MEGF8: variants seen among roughly 807,000 people sequenced by gnomAD.
The protein encoded by MEGF8 is multiple epidermal growth factor-like domains protein 8.
In MEGF8, 156 loss-of-function variants were observed where a neutral mutation model predicts 302.9. The observed-to-expected ratio is 0.52, with a 90% CI of 0.45 to 0.59. The LOEUF (loss-of-function observed/expected upper bound fraction) is 0.59, where lower values mean the gene tolerates loss of function less well. MEGF8 is among the 20% of genes least tolerant of loss of function. MEGF8 has a pLI of 0.00. For synonymous variants in MEGF8, 1,621 were observed against 1,660.5 expected (o/e 0.98, Z 0.58); for missense variants, 3,345 against 3,964.5 (o/e 0.84, Z 4.20).
intron 1 of MEGF8, among the ~76,000 whole-genome samples, chr19:42,329,717 T>A (rs1568553994): frequency 6.6e-6 from 1 of 151,850 alleles, no homozygotes. Flanking sequence ...TACAAAAGAT[T>A]AGCTGGGCTT....
rs2038978819 is a variant in MEGF8 at position 42,325,999 on chromosome 19, C to G, written c.-245C>G. ...CTCCTACGGTCCCTAGGGTTCGGCCCCGTCCATAATGACTCCATATACAGG... is the reference window on the plus strand; with the variant it reads ...CTCCTACGGTCCCTAGGGTTCGGCCGCGTCCATAATGACTCCATATACAGG... On this transcript the variant is annotated 5_prime_UTR_variant, in exon 1 of 42. Coordinates refer to ENST00000251268, the MANE Select transcript of MEGF8 (RefSeq NM_001271938.2). 1 of 507,276 alleles carries G rather than the reference C, an allele frequency of 2.0e-6. No homozygotes were observed. Among genetic ancestry groups the G allele is most frequent in the Non-Finnish European group, 3.2e-6 (1 of 313,836 alleles). 31.4% of individuals were successfully genotyped at this position (507,276 alleles called of 1,614,324 possible). A position where few individuals can be genotyped will look rare whatever the true frequency, so the allele number is the denominator to read the frequency against.
chr19:42,356,062 G>C lies in MEGF8; in HGVS notation c.4393-21G>C, dbSNP rs1015704183. 7 of 1,591,998 alleles carry C rather than the reference G, an allele frequency of 4.4e-6. No individual in the cohort carries two copies. In the African/African-American group the frequency reaches 8.0e-5, roughly 18 times the overall value. ...CAGGGCTGGTGATCAGGGCTCCCCT[G>C]AGTCCCTTGTCATCCCCCAGAGCCT... On this transcript the variant is annotated intron_variant, in intron 24 of 41. Coordinates refer to ENST00000251268, the MANE Select transcript of MEGF8 (RefSeq NM_001271938.2). This position sits in a 1 kb window ranked among gnomAD's most constrained non-coding sequence, Gnocchi z 5.2.
At chr19:42,373,100 CT>C (rs371697506) in intron 41 of MEGF8, among the ~76,000 whole-genome samples, 75 of 145,144 alleles carry the variant, frequency 5.2e-4, no homozygotes, top group Non-Finnish European at 3.3e-4. Context: ...TTCTTGGTTC[CT>C]TTTTTTTTTT....
In MEGF8 at chr19:42,369,558, C is replaced by T. The variant is rs199937913; in HGVS notation, c.6669C>T (p.Cys2223=). The T allele has an allele frequency of 3.4e-5, 55 of 1,610,334 alleles. No individual in the cohort carries two copies. The highest frequency in any genetic ancestry group is 2.9e-4 in the East Asian group (13 of 44,874). The change falls in exon 38 of 42, where the codon TGC becomes TGT. Residue 2223 remains cysteine (C), a synonymous_variant. Transcript: ENST00000251268. This position sits in a 1 kb window ranked among gnomAD's most constrained non-coding sequence, Gnocchi z 5.7. ...TGACAGGGCTGTGCCGCCCTGTGTGCGCCCAGGGCTGCGTGAACGGCTCAT... is the reference window on the plus strand; with the variant it reads ...TGACAGGGCTGTGCCGCCCTGTGTGTGCCCAGGGCTGCGTGAACGGCTCAT... The part of the protein sequence containing the change: ...DNMTGLCRPV[C]AQGCVNGSCV...
At chr19:42,373,181 C>A (rs1321093128) in intron 41 of MEGF8, among the ~76,000 whole-genome samples, 1 of 151,982 alleles carries the variant, frequency 6.6e-6, no homozygotes, top group Non-Finnish European at 1.5e-5. Context: ...CAACCTCCGC[C>A]TCCCAGGTTC....
At position 42,335,354 on chromosome 19, in the gene MEGF8, C is replaced by A; in HGVS notation, c.797C>A (p.Thr266Asn). The change falls in exon 5 of 42, where the codon ACC becomes AAC. Residue 266 changes from threonine (T) to asparagine (N), a missense_variant. Physicochemically the swap from Thr to Asn is moderately conservative, Grantham distance 65. Transcript: ENST00000251268. ...DLVLYNFSANTWESWDLSPAP... is the reference protein window; with the variant it reads ...DLVLYNFSANNWESWDLSPAP... ...GTCCTATACAACTTCTCCGCCAACA[C>A]CTGGGAGTCTTGGGACCTGAGTCCT... 1 of 1,614,030 alleles carries A rather than the reference C, an allele frequency of 6.2e-7. No homozygotes were observed. The highest frequency in any genetic ancestry group is 8.5e-7 in the Non-Finnish European group (1 of 1,179,890).
chr19:42,348,239 GA>G (rs2039317943), intron 12 of MEGF8, 32 bp from the exon 13 acceptor site: 1 of 1,511,142 alleles, frequency 6.6e-7, no homozygotes, highest in African/African-American at 1.4e-5. Context: ...TCCAGAAAGG[GA>G]CTCACACATA....
chr19:42,361,070 G>T (rs1260027780), intron 32 of MEGF8, 64 bp downstream of exon 32: 3 of 1,472,278 alleles, frequency 2.0e-6, no homozygotes, highest in African/African-American at 2.8e-5. Flanking sequence ...CCTGTGCTAG[G>T]CCACACCAGG....
chr19:42,372,074 A>AAC (rs1555784682), intron 41 of MEGF8, among the ~76,000 whole-genome samples: 31 of 79,326 alleles, frequency 3.9e-4, no homozygotes, highest in Non-Finnish European at 5.9e-4. Context: ...AACAACAACA[A>AAC]ACACACACAC....
intron 13 of MEGF8, 68 bp downstream of exon 13, chr19:42,348,540 C>T (rs2039322961): frequency 1.5e-6 from 2 of 1,374,576 alleles, no homozygotes; most frequent in Non-Finnish European, 1.9e-6. Context: ...TGGTATAGAG[C>T]ATCTGTGGTG....
Position 42,356,738 on chromosome 19 carries a change from C to T in MEGF8, c.4623-36C>T. 2 of 1,521,550 alleles carry T rather than the reference C, an allele frequency of 1.3e-6. No homozygotes were observed. The highest frequency in any genetic ancestry group is 1.8e-6 in the Non-Finnish European group (2 of 1,129,610). 94.3% of individuals were successfully genotyped at this position (1,521,550 alleles called of 1,614,324 possible). On this transcript the variant is annotated intron_variant, in intron 26 of 41. Transcript: ENST00000251268. This position sits in a 1 kb window ranked among gnomAD's most constrained non-coding sequence, Gnocchi z 5.2. ...GTCACCTTGAAGGATGCTGGGATGA[C>T]TGTAATGAGGCTGCTTTTTTGCACC...
At chr19:42,332,387 G>A (rs1297172312) in intron 1 of MEGF8, among the ~76,000 whole-genome samples, 6 of 151,078 alleles carry the variant, frequency 4.0e-5, no homozygotes, top group Non-Finnish European at 8.9e-5. Context: ...TTTTTTTTGA[G>A]ACGAAGTCTC....
At position 42,370,209 on chromosome 19, in the gene MEGF8, C is replaced by T; in HGVS notation, c.6855C>T (p.Cys2285=). The T allele has an allele frequency of 1.2e-6, 2 of 1,613,054 alleles. No individual in the cohort carries two copies. Among genetic ancestry groups the T allele is most frequent in the Non-Finnish European group, 8.5e-7 (1 of 1,179,698 alleles). ...CTCAGGGCAGCCACTGTGAGCAGTG[C>T]CTCCCGCTGTTTGTGGGTTCAGCTG... ...NHTKGSHCEQ[C]LPLFVGSAVG... is the part of the protein sequence containing the mutation. Residue 2285 remains cysteine (C), a synonymous_variant, in exon 39 of 42, where the codon TGC becomes TGT. Coordinates refer to ENST00000251268, the MANE Select transcript of MEGF8 (RefSeq NM_001271938.2).
In MEGF8 at chr19:42,368,445, C is replaced by T. The variant is rs1279381271; in HGVS notation, c.6274-10C>T. On this transcript the variant is annotated splice_polypyrimidine_tract_variant and intron_variant, in intron 35 of 41. Coordinates refer to ENST00000251268, the MANE Select transcript of MEGF8 (RefSeq NM_001271938.2). The surrounding 1 kb of genome is among the most constrained non-coding windows in gnomAD (Gnocchi z 4.9). The stretch of plus-strand genomic sequence containing the variant: ...CTTCCCTGCATCCCCATCCCCTCCC[C>T]CCCATACAGTGTCTGAGCCCTTCCT... 6 of 1,593,902 alleles carry T rather than the reference C, an allele frequency of 3.8e-6. No individual in the cohort carries two copies. In the South Asian group the frequency reaches 5.7e-5, roughly 15 times the overall value.
chr19:42,346,720 C>T (rs1482745215), intron 12 of MEGF8, among the ~76,000 whole-genome samples: 1 of 151,744 alleles, frequency 6.6e-6, no homozygotes, highest in African/African-American at 2.4e-5. Flanking sequence ...CACGGTGGCT[C>T]ACGCCGGTAA....
Position 42,344,341 on chromosome 19 carries a change from T to C in MEGF8, c.1789-100T>C. 1 of 1,466,670 alleles carries C rather than the reference T, an allele frequency of 6.8e-7. No individual in the cohort carries two copies. Among genetic ancestry groups the C allele is most frequent in the East Asian group, 2.3e-5 (1 of 43,534 alleles). The allele number at this position is 1,466,670 out of a possible 1,614,324, so 90.9% of individuals were successfully genotyped here. A position where few individuals can be genotyped will look rare whatever the true frequency, so the allele number is the denominator to read the frequency against. ...AGTCAACTCCCCGTTCTTCAGTTTT[T>C]TCGCCCTTTCCATCGCAGGACCCTG... On this transcript the variant is annotated intron_variant, in intron 10 of 41. Coordinates refer to ENST00000251268, the MANE Select transcript of MEGF8 (RefSeq NM_001271938.2). The surrounding 1 kb of genome is among the most constrained non-coding windows in gnomAD (Gnocchi z 4.5).
chr19:42,334,830 G>C (rs902936074), intron 3 of MEGF8, among the ~76,000 whole-genome samples: 1 of 151,732 alleles, frequency 6.6e-6, no homozygotes, highest in African/African-American at 2.4e-5. Context: ...CTGACAGTTT[G>C]CCTTTCCCCT....
chr19:42,348,433 C>A lies in MEGF8; in HGVS notation c.2259C>A (p.Val753=). ...AVWTRAQRLH[V]LARMARGPDT... ...GGACGCGGGCCCAGCGCCTACACGT[C>A]CTGGCCCGGATGGCCCGTGGCCCTG... Residue 753 remains valine (V), a synonymous_variant, in exon 13 of 42, where the codon GTC becomes GTA. Coordinates refer to ENST00000251268, the MANE Select transcript of MEGF8 (RefSeq NM_001271938.2). The A allele has an allele frequency of 1.3e-6, 2 of 1,532,184 alleles. No individual in the cohort carries two copies. Among genetic ancestry groups the A allele is most frequent in the South Asian group, 1.2e-5 (1 of 83,884 alleles). 94.9% of individuals were successfully genotyped at this position (1,532,184 alleles called of 1,614,324 possible). A position where few individuals can be genotyped will look rare whatever the true frequency, so the allele number is the denominator to read the frequency against.
chr19:42,362,818 G>A (rs1205572970), intron 34 of MEGF8, among the ~76,000 whole-genome samples: 1 of 150,426 alleles, frequency 6.6e-6, no homozygotes, highest in Non-Finnish European at 1.5e-5. Context: ...GGAGAGGCTG[G>A]GGCCTGGACT....
Sources: gnomAD v4.1 joint callset for allele counts (sites outside exome capture counted in the v4.1 genomes callset) on GRCh38, gnomAD v4.1.1 for gene constraint, Gnocchi (gnomAD v3.1) non-coding constraint, MANE v1.5 for transcripts, NCBI Gene and HGNC (gene_info 2026-07-23, HGNC 2026-07-21) for gene names.